Variants in GPM6B observed in about 807,000 individuals in gnomAD.
GPM6B encodes the protein glycoprotein M6B, also known as neuronal membrane glycoprotein M6-b.
A neutral mutation model predicts 27.2 loss-of-function variants in GPM6B; 4 were observed. The observed-to-expected ratio is 0.15, with a 90% CI of 0.07 to 0.34. GPM6B has a LOEUF of 0.34. Ranked by LOEUF, GPM6B falls within the 10% of genes least tolerant of loss-of-function variation. The pLI, the probability that GPM6B is intolerant of heterozygous loss-of-function variation, is 1.00. For missense variants in GPM6B, 183 were observed against 261.9 expected (o/e 0.70, Z 2.08); for synonymous variants, 124 against 103.1 (o/e 1.20, Z -1.23).
intron 1 of GPM6B, among the ~76,000 whole-genome samples, chrX:13,927,722 C>T (rs73633587): frequency 0.026 from 2,970 of 112,768 alleles, 95 homozygotes; most frequent in African/African-American, 0.083. Context: ...CAAGCATTCA[C>T]GTTGATCAAA....
intron 1 of GPM6B, among the ~76,000 whole-genome samples, chrX:13,918,772 AAG>A (rs1445702890): frequency 9.0e-6 from 1 of 111,182 alleles, no homozygotes; most frequent in Non-Finnish European, 1.9e-5. Flanking sequence ...GAGCAAGACC[AAG>A]AGAGAGAGCA....
chrX:13,856,704 A>T (rs371159473), intron 1 of GPM6B, among the ~76,000 whole-genome samples: 883 of 77,155 alleles, frequency 0.011, 14 homozygotes, highest in African/African-American at 0.034. Flanking sequence ...TTTTTTTTTT[A>T]TTATTTTTTT....
intron 1 of GPM6B, among the ~76,000 whole-genome samples, chrX:13,920,885 C>T (rs12849218): frequency 0.45 from 43,964 of 97,640 alleles, 8,130 homozygotes; most frequent in Non-Finnish European, 0.58. Flanking sequence ...AGTGAGATTC[C>T]GCCTCAAAAA....
At chrX:13,809,056 G>A (rs772909332) in intron 1 of GPM6B, among the ~76,000 whole-genome samples, 1 of 111,928 alleles carries the variant, frequency 8.9e-6, no homozygotes, top group Non-Finnish European at 1.9e-5. Flanking sequence ...TTTATGGAGT[G>A]CTTATGATGT....
At chrX:13,778,372 A>G (rs1232946787) in intron 5 of GPM6B, among the ~76,000 whole-genome samples, 1 of 112,427 alleles carries the variant, frequency 8.9e-6, no homozygotes, top group African/African-American at 3.2e-5. Flanking sequence ...AAGAAAAAAC[A>G]CTACTGTCCT....
intron 2 of GPM6B, among the ~76,000 whole-genome samples, chrX:13,804,818 A>AG (rs888008835): frequency 9.1e-6 from 1 of 109,415 alleles, no homozygotes; most frequent in African/African-American, 3.3e-5. Flanking sequence ...AAAAAGAAAA[A>AG]AAAAAGAGCC....
intron 1 of GPM6B, among the ~76,000 whole-genome samples, chrX:13,861,140 T>TATACACAC (rs1569267616): frequency 1.8e-4 from 16 of 88,442 alleles, no homozygotes; most frequent in African/African-American, 7.1e-4. Flanking sequence ...ATATATATAA[T>TATACACAC]ATACATATAT....
At chrX:13,834,431 A>C (rs1435509144) in intron 1 of GPM6B, among the ~76,000 whole-genome samples, 1 of 112,476 alleles carries the variant, frequency 8.9e-6, no homozygotes, top group African/African-American at 3.2e-5. Context: ...AAGACAACAT[A>C]AATCTTTGGA....
Position 13,781,590 on chromosome X carries a change from C to G in GPM6B, c.526-1601G>C, listed in dbSNP as rs767779568. ...TAAGTGACTATTCCTCTACCCTCCT[C>G]TCCCATGTGAATTGTATATTCAATG... is the stretch of plus-strand genomic sequence containing the variant. On this transcript the variant is annotated intron_variant, in intron 4 of 7. Transcript: ENST00000316715. 3.6e-5 allele frequency among the ~76,000 whole-genome samples: 4 copies of G among 111,354 alleles called. No individual in the cohort carries two copies. In the South Asian group the frequency reaches 1.5e-3, roughly 43 times the overall value.
chrX:13,821,064 T>C (rs996418343), upstream of GPM6B, among the ~76,000 whole-genome samples: 5 of 111,195 alleles, frequency 4.5e-5, no homozygotes, highest in Non-Finnish European at 9.4e-5. Context: ...GTTAACAGTG[T>C]AGAATAGTGT....
chrX:13,868,927 C>T (rs2049946932), intron 1 of GPM6B, among the ~76,000 whole-genome samples: 2 of 111,864 alleles, frequency 1.8e-5, no homozygotes, highest in Admixed American at 9.5e-5. Context: ...GTACACAATG[C>T]TGTTTGGGAT....
intron 1 of GPM6B, among the ~76,000 whole-genome samples, chrX:13,879,486 T>C (rs749113182): frequency 5.3e-5 from 6 of 112,256 alleles, no homozygotes. Flanking sequence ...AGGATGTAAT[T>C]ACATCAATTC....
intron 2 of GPM6B, among the ~76,000 whole-genome samples, chrX:13,804,414 C>T (rs1356870506): frequency 9.9e-4 from 7 of 7,078 alleles, no homozygotes; most frequent in South Asian, 8.8e-3. Flanking sequence ...GCATCATGGA[C>T]GGCGGGGGGG....
intron 1 of GPM6B, among the ~76,000 whole-genome samples, chrX:13,859,633 A>T (rs1211364727): frequency 1.8e-5 from 2 of 110,379 alleles, no homozygotes; most frequent in Non-Finnish European, 3.8e-5. Context: ...TAATGCTAAC[A>T]TCTACCCTAA....
At position 13,816,839 on chromosome X, in the gene GPM6B, G is replaced by T; in HGVS notation, c.61+5C>A. The stretch of plus-strand genomic sequence containing the variant: ...TAAACAGGCTATTGTCAGAGCGCTG[G>T]GTACCTTTTCTCTCTTGGCTTTGTT... On this transcript the variant is annotated splice_donor_5th_base_variant and intron_variant, in intron 1 of 7. Transcript: ENST00000316715. 1.7e-6 allele frequency: 2 copies of T among 1,210,161 alleles called. No individual in the cohort carries two copies. The highest frequency in any genetic ancestry group is 2.2e-6 in the Non-Finnish European group (2 of 894,617).
At chrX:13,823,908 GAA>G (rs1250978128) in intron 1 of GPM6B, among the ~76,000 whole-genome samples, 1 of 112,509 alleles carries the variant, frequency 8.9e-6, no homozygotes, top group Non-Finnish European at 1.9e-5. Context: ...GGTGCTGCAT[GAA>G]AAGTTTCAAC....
chrX:13,788,389 G>T (rs1195025101), intron 2 of GPM6B, among the ~76,000 whole-genome samples: 1 of 109,354 alleles, frequency 9.1e-6, no homozygotes, highest in Non-Finnish European at 1.9e-5. Context: ...TGGAAAGAGA[G>T]TGGAGAGAAG....
Position 13,830,813 on chromosome X carries a change from G to A in GPM6B, c.-197-45005C>T, listed in dbSNP as rs756167126. On this transcript the variant is annotated intron_variant, in intron 1 of 6. Coordinates refer to the GPM6B transcript ENST00000398361. Reference sequence around the variant, plus strand: ...AGGGAAACGTTTTTATTTTAGTATCGTGAATGGCCCTTTTTTCCTGCCTTT... The same window carrying A: ...AGGGAAACGTTTTTATTTTAGTATCATGAATGGCCCTTTTTTCCTGCCTTT... Among the ~76,000 whole-genome samples the A allele has an allele frequency of 1.1e-4, 12 of 111,712 alleles. No homozygotes were observed. The East Asian group carries it at 3.1e-3, about 29-fold the overall frequency.
chrX:13,828,744 G>A (rs2049405437), intron 1 of GPM6B, among the ~76,000 whole-genome samples: 1 of 111,833 alleles, frequency 8.9e-6, no homozygotes, highest in African/African-American at 3.3e-5. Context: ...CAGTAGCTCA[G>A]GAGGAATGGA....
Sources: gnomAD v4.1 joint callset for allele counts (sites outside exome capture counted in the v4.1 genomes callset) on GRCh38, gnomAD v4.1.1 for gene constraint, MANE v1.5 for transcripts, NCBI Gene and HGNC (gene_info 2026-07-23, HGNC 2026-07-21) for gene names.